Variants in CNTNAP5 observed in about 807,000 individuals in gnomAD.
The protein encoded by CNTNAP5 is contactin-associated protein-like 5.
CNTNAP5 carries 72 observed loss-of-function variants against 150.2 expected under a neutral mutation model. That is an observed-to-expected ratio of 0.48 (90% confidence interval 0.40 to 0.58). The LOEUF is 0.58. Ranked by LOEUF, CNTNAP5 falls within the 20% of genes least tolerant of loss-of-function variation. The pLI, the probability that CNTNAP5 is intolerant of heterozygous loss-of-function variation, is 0.00. For synonymous variants in CNTNAP5, 672 were observed against 619.8 expected, an observed-to-expected ratio of 1.08 and a Z score of -1.25; for missense variants, 1,636 against 1,626.2, an observed-to-expected ratio of 1.01 and a Z score of -0.10.
At chr2:124,179,573 A>G (rs1473617736) in intron 1 of CNTNAP5, among the ~76,000 whole-genome samples, 3 of 152,176 alleles carry the variant, frequency 2.0e-5, no homozygotes, top group Non-Finnish European at 4.4e-5. Context: ...ACAAAGTTAG[A>G]GCTTTTTCTT....
chr2:124,171,659 CT>C, intron 1 of CNTNAP5, among the ~76,000 whole-genome samples: 1 of 152,316 alleles, frequency 6.6e-6, no homozygotes, highest in South Asian at 2.1e-4. Flanking sequence ...CAAGGTCTAT[CT>C]ACTAGAGCAA....
chr2:124,560,971 A>AC (rs981947949), intron 10 of CNTNAP5, among the ~76,000 whole-genome samples: 11 of 146,438 alleles, frequency 7.5e-5, no homozygotes, highest in African/African-American at 1.4e-4. Flanking sequence ...CAAAACAACA[A>AC]AAAAAAAAAC....
At chr2:124,548,326 C>A (rs192326944) in intron 10 of CNTNAP5, among the ~76,000 whole-genome samples, 1 of 152,064 alleles carries the variant, frequency 6.6e-6, no homozygotes, top group Non-Finnish European at 1.5e-5. Context: ...AGTTTTATGG[C>A]GAGGCTGTGC....
chr2:124,337,168 G>GTCT (rs1373022626), intron 3 of CNTNAP5, among the ~76,000 whole-genome samples: 5 of 151,544 alleles, frequency 3.3e-5, no homozygotes, highest in Admixed American at 2.0e-4. Context: ...CTGCATAAAT[G>GTCT]TCTTTTGAGA....
At chr2:124,277,210 T>C (rs1325713907) in intron 3 of CNTNAP5, among the ~76,000 whole-genome samples, 1 of 152,156 alleles carries the variant, frequency 6.6e-6, no homozygotes, top group Non-Finnish European at 1.5e-5. Context: ...TGTTTCTCTA[T>C]AAATAACCAG....
chr2:124,407,521 T>G (rs1195461543), intron 3 of CNTNAP5, among the ~76,000 whole-genome samples: 3 of 152,118 alleles, frequency 2.0e-5, no homozygotes, highest in Non-Finnish European at 4.4e-5. Context: ...CCAGGGGAGT[T>G]GCTAGAGACT....
chr2:124,320,779 T>C (rs1247730823), intron 3 of CNTNAP5, among the ~76,000 whole-genome samples: 1 of 152,116 alleles, frequency 6.6e-6, no homozygotes, highest in Non-Finnish European at 1.5e-5. Context: ...TGTGTGTGGG[T>C]ATTTGTGTGT....
At chr2:124,912,052 T>G (rs1456955395) in intron 23 of CNTNAP5, among the ~76,000 whole-genome samples, 1 of 152,062 alleles carries the variant, frequency 6.6e-6, no homozygotes, top group Non-Finnish European at 1.5e-5. Context: ...TTGTCTGCTC[T>G]GCTGTGAGCT....
intron 8 of CNTNAP5, among the ~76,000 whole-genome samples, chr2:124,512,521 A>G (rs917088593): frequency 2.6e-5 from 4 of 152,122 alleles, no homozygotes; most frequent in Non-Finnish European, 4.4e-5. Context: ...GACAGCAAAG[A>G]GCCAGAAACC....
chr2:124,749,160 G>A (rs1014416830), intron 14 of CNTNAP5, among the ~76,000 whole-genome samples: 1 of 152,116 alleles, frequency 6.6e-6, no homozygotes, highest in African/African-American at 2.4e-5. Flanking sequence ...TTGTGCTGCC[G>A]TAAAACATAT....
intron 1 of CNTNAP5, among the ~76,000 whole-genome samples, chr2:124,218,554 A>G (rs17011129): frequency 0.049 from 7,506 of 152,198 alleles, 261 homozygotes; most frequent in East Asian, 0.21. Context: ...CTGCTGAAAA[A>G]TCTTCCTTGG....
At chr2:124,604,958 T>A (rs1169347662) in intron 11 of CNTNAP5, among the ~76,000 whole-genome samples, 1 of 152,186 alleles carries the variant, frequency 6.6e-6, no homozygotes, top group African/African-American at 2.4e-5. Context: ...ATCCATTTCA[T>A]TTAGCTTCTT....
At chr2:124,654,770 A>AC (rs1553427578) in intron 13 of CNTNAP5, among the ~76,000 whole-genome samples, 2 of 149,714 alleles carry the variant, frequency 1.3e-5, no homozygotes, top group Non-Finnish European at 3.0e-5. Context: ...TTTCTTAACC[A>AC]CCCCCCGCCT....
At chr2:124,388,773 C>T (rs1025995737) in intron 3 of CNTNAP5, among the ~76,000 whole-genome samples, 9 of 152,090 alleles carry the variant, frequency 5.9e-5, no homozygotes, top group East Asian at 1.9e-4. Flanking sequence ...CTCCGCCTTC[C>T]GGATTCAAGT....
rs554795148 is a variant in CNTNAP5, at chr2:124,242,132, T to C, written c.188-68T>C. ...TGAACACTGTTTCATTTCCCTTTGA[T>C]AGTTGAAAATTGTAGCTATGTGAGA... On this transcript the variant is annotated intron_variant, in intron 2 of 23. Coordinates refer to ENST00000682447, the MANE Select transcript of CNTNAP5 (RefSeq NM_001367498.1). The C allele has an allele frequency of 1.5e-5, 19 of 1,261,164 alleles. No individual in the cohort carries two copies. In the African/African-American group the frequency reaches 2.7e-4, roughly 18 times the overall value. 78.1% of individuals were successfully genotyped at this position (1,261,164 alleles called of 1,614,324 possible). A position where few individuals can be genotyped will look rare whatever the true frequency, so the allele number is the denominator to read the frequency against.
In CNTNAP5 at chr2:124,177,421, T is replaced by C. The variant is rs186191428; in HGVS notation, c.83-44284T>C. ...TCCAAAACAACTTCTGGGTTCTCTA[T>C]CAGAAAGTGTGATGAGAAAACAGAA... is the stretch of plus-strand genomic sequence containing the variant. On this transcript the variant is annotated intron_variant, in intron 1 of 23. Coordinates refer to ENST00000682447, the MANE Select transcript of CNTNAP5 (RefSeq NM_001367498.1). 6.6e-5 allele frequency among the ~76,000 whole-genome samples: 10 copies of C among 152,156 alleles called. No individual in the cohort carries two copies. The East Asian group carries it at 1.7e-3, about 26-fold the overall frequency.
intron 2 of CNTNAP5, among the ~76,000 whole-genome samples, chr2:124,222,332 G>A (rs1327334754): frequency 1.3e-5 from 2 of 152,028 alleles, no homozygotes; most frequent in Admixed American, 6.6e-5. Flanking sequence ...TCTGTGTGAA[G>A]TAAGAGCACC....
chr2:124,454,907 A>T (rs934835090), intron 6 of CNTNAP5, among the ~76,000 whole-genome samples: 3 of 152,164 alleles, frequency 2.0e-5, no homozygotes, highest in Admixed American at 2.0e-4. Context: ...GGCTAAGAGG[A>T]AAGTTCATAG....
chr2:124,869,654 T>G, intron 20 of CNTNAP5, 21 bp from the exon 21 acceptor site: 1 of 1,558,600 alleles, frequency 6.4e-7, no homozygotes, highest in Non-Finnish European at 8.8e-7. Flanking sequence ...TGATGTGCCT[T>G]TGTTTTCTGT....
Sources: allele counts gnomAD v4.1 joint callset (sites outside exome capture counted in the v4.1 genomes callset), GRCh38; gene constraint gnomAD v4.1.1; transcripts MANE v1.5; gene names NCBI Gene and HGNC (gene_info 2026-07-23, HGNC 2026-07-21).